The following SEMA6D variants were observed in gnomAD, a reference collection of about 807,000 sequenced individuals.
The protein encoded by SEMA6D is semaphorin-6D.
Under a neutral mutation model 106.6 loss-of-function variants are expected in SEMA6D, and 35 were observed. The observed-to-expected ratio is 0.33, with a 90% CI of 0.25 to 0.44. The LOEUF (loss-of-function observed/expected upper bound fraction) is 0.44, where lower values mean the gene tolerates loss of function less well. SEMA6D is among the 20% of genes least tolerant of loss of function. The pLI is 1.00. For synonymous variants in SEMA6D, 499 were observed against 487.7 expected, an observed-to-expected ratio of 1.02 and a Z score of -0.31; for missense variants, 1,185 against 1,345.9, an observed-to-expected ratio of 0.88 and a Z score of 1.87.
At chr15:47,299,230 G>A (rs1224603753) in intron 1 of SEMA6D, among the ~76,000 whole-genome samples, 6 of 152,182 alleles carry the variant, frequency 3.9e-5, no homozygotes, top group Non-Finnish European at 8.8e-5. Context: ...ACACACCATT[G>A]CTTTCCAACT....
At chr15:47,208,013 A>G (rs946604839) in intron 1 of SEMA6D, among the ~76,000 whole-genome samples, 12 of 139,954 alleles carry the variant, frequency 8.6e-5, no homozygotes, top group South Asian at 6.6e-4. Context: ...ACACACACAC[A>G]CACACACACA....
At chr15:47,465,365 A>T (rs966438931) in intron 2 of SEMA6D, among the ~76,000 whole-genome samples, 1 of 152,206 alleles carries the variant, frequency 6.6e-6, no homozygotes, top group African/African-American at 2.4e-5. Context: ...GTGGGCAAAT[A>T]GTTGTCCGCA....
intron 2 of SEMA6D, among the ~76,000 whole-genome samples, chr15:47,446,027 T>C (rs2043460430): frequency 6.6e-6 from 1 of 152,160 alleles, no homozygotes; most frequent in Non-Finnish European, 1.5e-5. Flanking sequence ...AAATGTGTAA[T>C]CCTTGTGCAA....
chr15:47,653,693 A>G (rs1401543958), intron 4 of SEMA6D, among the ~76,000 whole-genome samples: 1 of 152,280 alleles, frequency 6.6e-6, no homozygotes, highest in Non-Finnish European at 1.5e-5. Context: ...AATATTTCAT[A>G]TGCCTTGCCC....
chr15:47,656,809 C>T (rs935056003), intron 4 of SEMA6D, among the ~76,000 whole-genome samples: 1 of 152,154 alleles, frequency 6.6e-6, no homozygotes, highest in African/African-American at 2.4e-5. Flanking sequence ...CTTTTGCAAA[C>T]AGCTACAAAA....
chr15:47,212,336 C>G (rs1340102232), intron 1 of SEMA6D, among the ~76,000 whole-genome samples: 1 of 152,144 alleles, frequency 6.6e-6, no homozygotes, highest in Non-Finnish European at 1.5e-5. Context: ...CTGTGAGAAA[C>G]CTTTGAGAAA....
At position 47,771,832 on chromosome 15, in the gene SEMA6D, TGA is replaced by T. The variant is rs761071807; in HGVS notation, c.*51_*52del. The T allele has an allele frequency of 3.3e-6, 5 of 1,536,482 alleles. No homozygotes were observed. In the Admixed American group the frequency reaches 9.0e-5, roughly 28 times the overall value. ...TGTGGCTTTATCCTGTCCGTGTTGT[TGA>T]GAGGATGATGTTGTAAGGGTACCTT... On this transcript the variant is annotated 3_prime_UTR_variant, in exon 19 of 19. Coordinates refer to ENST00000536845, the MANE Select transcript of SEMA6D (RefSeq NM_001358351.3).
chr15:47,669,777 C>T (rs944360908), intron 4 of SEMA6D, among the ~76,000 whole-genome samples: 4 of 152,166 alleles, frequency 2.6e-5, no homozygotes, highest in Admixed American at 1.3e-4. Context: ...CATCTGTGCT[C>T]GATCACATCC....
At chr15:47,595,549 T>C (rs2143105073) in intron 3 of SEMA6D, among the ~76,000 whole-genome samples, 1 of 152,304 alleles carries the variant, frequency 6.6e-6, no homozygotes, top group Non-Finnish European at 1.5e-5. Flanking sequence ...AATTTTCTTT[T>C]ATTGTAATGT....
intron 1 of SEMA6D, among the ~76,000 whole-genome samples, chr15:47,335,888 G>C (rs2037534354): frequency 6.6e-6 from 1 of 152,104 alleles, no homozygotes; most frequent in South Asian, 2.1e-4. Context: ...AAGGTCAAGT[G>C]GACCGGATGG....
intron 1 of SEMA6D, among the ~76,000 whole-genome samples, chr15:47,260,362 C>A (rs1043521099): frequency 6.6e-6 from 1 of 152,100 alleles, no homozygotes; most frequent in Admixed American, 6.6e-5. Context: ...GTTTAACATG[C>A]AGGTTCTGGC....
chr15:47,454,757 CAG>C (rs2042297933), intron 2 of SEMA6D, among the ~76,000 whole-genome samples: 1 of 151,978 alleles, frequency 6.6e-6, no homozygotes, highest in South Asian at 2.1e-4. Flanking sequence ...CTTTTCATTA[CAG>C]AGTTACCCCT....
At position 47,717,581 on chromosome 15, in the gene SEMA6D, A is replaced by T. The variant is rs190830401; in HGVS notation, c.-166A>T. ...CTATCAAGGAAGCCAAGACCTAAGG[A>T]GACAGAGGGATATCTATTTTTACAA... On this transcript the variant is annotated 5_prime_UTR_variant, in exon 1 of 19. Transcript: ENST00000536845. 532 of 152,588 alleles carry T rather than the reference A, an allele frequency of 3.5e-3. 1 individual carries two copies. The highest frequency in any genetic ancestry group is 5.6e-3 in the Non-Finnish European group (384 of 68,282). 9.5% of individuals were successfully genotyped at this position (152,588 alleles called of 1,614,324 possible).
intron 1 of SEMA6D, among the ~76,000 whole-genome samples, chr15:47,352,212 T>G (rs653298): frequency 0.47 from 71,004 of 152,052 alleles, 19,697 homozygotes; most frequent in South Asian, 0.61. Flanking sequence ...TCTTTTTATC[T>G]TTTTATTTTT....
intron 1 of SEMA6D, among the ~76,000 whole-genome samples, chr15:47,354,690 A>T (rs2038493775): frequency 6.6e-6 from 1 of 151,928 alleles, no homozygotes; most frequent in South Asian, 2.1e-4. Context: ...CATCAGCTGA[A>T]TGGTGCCCAC....
intron 3 of SEMA6D, among the ~76,000 whole-genome samples, chr15:47,501,117 T>C (rs2043834030): frequency 6.6e-6 from 1 of 152,120 alleles, no homozygotes; most frequent in Non-Finnish European, 1.5e-5. Flanking sequence ...GAAAAAAATA[T>C]TTTCTCCTCA....
At chr15:47,625,369 G>T (rs953499661) in intron 4 of SEMA6D, among the ~76,000 whole-genome samples, 2 of 152,170 alleles carry the variant, frequency 1.3e-5, no homozygotes, top group African/African-American at 2.4e-5. Flanking sequence ...GCAATCATCT[G>T]CCATGTGTGG....
At chr15:47,249,229 A>AAAAC (rs569084009) in intron 1 of SEMA6D, among the ~76,000 whole-genome samples, 135 of 152,244 alleles carry the variant, frequency 8.9e-4, no homozygotes, top group African/African-American at 3.1e-3. Flanking sequence ...CTCCGTCTCA[A>AAAAC]AAACAAACAA....
chr15:47,768,725 A>C lies in SEMA6D; in HGVS notation c.1910A>C (p.Asp637Ala). 6.2e-7 allele frequency: 1 copy of C among 1,613,266 alleles called. No individual in the cohort carries two copies. The highest frequency in any genetic ancestry group is 8.5e-7 in the Non-Finnish European group (1 of 1,179,472). ...GATCCAAACACTTCTGATTTTACTG[A>C]TCCTTTATCGGGTATCCCAAAGGGT... ...QDDPNTSDFT[D>A]PLSGIPKGVR... Residue 637 changes from aspartate (D) to alanine (A), a missense_variant, in exon 18 of 19, where the codon GAT becomes GCT. By Grantham distance (126) the Asp-to-Ala change is moderately radical. Coordinates refer to ENST00000536845, the MANE Select transcript of SEMA6D (RefSeq NM_001358351.3).
Sources: allele counts gnomAD v4.1 joint callset (sites outside exome capture counted in the v4.1 genomes callset), GRCh38; gene constraint gnomAD v4.1.1; transcripts MANE v1.5; gene names NCBI Gene and HGNC (gene_info 2026-07-23, HGNC 2026-07-21).